ZNF26: variants seen among roughly 807,000 people sequenced by gnomAD.
ZNF26 encodes the protein epididymis luminal protein 179.
A neutral mutation model predicts 54.9 loss-of-function variants in ZNF26; 32 were observed. The observed-to-expected ratio is 0.58, with a 90% CI of 0.44 to 0.78. ZNF26 has a LOEUF of 0.78. Among genes scored for constraint, ZNF26 ranks in the 30% least tolerant of loss-of-function variants. The pLI is 0.00. For missense variants in ZNF26, 524 were observed against 634.0 expected, an observed-to-expected ratio of 0.83 and a Z score of 1.86; for synonymous variants, 221 against 209.2, an observed-to-expected ratio of 1.06 and a Z score of -0.49.
rs1953488451 is a variant in ZNF26 at position 133,012,075 on chromosome 12, T to C, written c.*594T>C. The C allele has an allele frequency of 6.6e-6, 1 of 152,232 alleles. No homozygotes were observed. Among genetic ancestry groups the C allele is most frequent in the Non-Finnish European group, 1.5e-5 (1 of 68,042 alleles). The allele number at this position is 152,232 out of a possible 1,614,324, so 9.4% of individuals were successfully genotyped here. A position where few individuals can be genotyped will look rare whatever the true frequency, so the allele number is the denominator to read the frequency against. On this transcript the variant is annotated 3_prime_UTR_variant, in exon 4 of 4. Transcript: ENST00000328654. Reference sequence around the variant, plus strand: ...ATATATTTGATAGTTTGTGGAATAATATCCCCCAGTATTTTCCATATTAAA... The same window carrying C: ...ATATATTTGATAGTTTGTGGAATAACATCCCCCAGTATTTTCCATATTAAA...
intron 1 of ZNF26, chr12:133,005,189 C>A (rs1289059648): frequency 1.3e-5 from 2 of 152,220 alleles, no homozygotes; most frequent in East Asian, 3.9e-4. Context: ...CCAGGAAAAT[C>A]ATTCCAGGTT....
intron 1 of ZNF26, among the ~76,000 whole-genome samples, chr12:133,002,252 G>A (rs1953234243): frequency 6.6e-6 from 1 of 152,124 alleles, no homozygotes; most frequent in African/African-American, 2.4e-5. Context: ...CTCTCAGCGT[G>A]CCATGCTGTC....
chr12:133,016,825 A>G lies in ZNF26; in HGVS notation c.*5344A>G, dbSNP rs1953574092. On this transcript the variant is annotated 3_prime_UTR_variant, in exon 4 of 4. Transcript: ENST00000328654. ...ACTCTCTTGGTATTTGTAATATGTT[A>G]TGAGATACCATCATTGGAGGTTGTA... 1 of 151,950 alleles carries G rather than the reference A, an allele frequency of 6.6e-6. No individual in the cohort carries two copies. Among genetic ancestry groups the G allele is most frequent in the Non-Finnish European group, 1.5e-5 (1 of 68,008 alleles). 9.4% of individuals were successfully genotyped at this position (151,950 alleles called of 1,614,324 possible).
chr12:133,015,166 C>T lies in ZNF26; in HGVS notation c.*3685C>T, dbSNP rs1346134029. The T allele has an allele frequency of 1.3e-5, 2 of 151,726 alleles. No individual in the cohort carries two copies. Among genetic ancestry groups the T allele is most frequent in the African/African-American group, 2.4e-5 (1 of 41,304 alleles). 9.4% of individuals were successfully genotyped at this position (151,726 alleles called of 1,614,324 possible). On this transcript the variant is annotated 3_prime_UTR_variant, in exon 4 of 4. Coordinates refer to ENST00000328654, the MANE Select transcript of ZNF26 (RefSeq NM_019591.4). ...GTCGGGAGTTCGAGTTCAGCCTGGC[C>T]AATATGGTGAAATCCCGTCTCAACT... is the stretch of plus-strand genomic sequence containing the variant.
At position 133,018,848 on chromosome 12, in the gene ZNF26, C is replaced by T. The variant is rs1191715093; in HGVS notation, c.*7367C>T. On this transcript the variant is annotated 3_prime_UTR_variant, in exon 4 of 4. Coordinates refer to ENST00000328654, the MANE Select transcript of ZNF26 (RefSeq NM_019591.4). ...GCTCAAGCAATCCTCCCATTCTGGT[C>T]TCTCGAAGCATCAAGATTATAGGCA... 1 of 152,014 alleles carries T rather than the reference C, an allele frequency of 6.6e-6. No homozygotes were observed. Among genetic ancestry groups the T allele is most frequent in the East Asian group, 1.9e-4 (1 of 5,200 alleles). 9.4% of individuals were successfully genotyped at this position (152,014 alleles called of 1,614,324 possible). A position where few individuals can be genotyped will look rare whatever the true frequency, so the allele number is the denominator to read the frequency against.
At chr12:132,989,467 G>A (rs973127268) in intron 1 of ZNF26, among the ~76,000 whole-genome samples, 4 of 152,092 alleles carry the variant, frequency 2.6e-5, no homozygotes, top group Non-Finnish European at 5.9e-5. Context: ...AATTGTTTTG[G>A]ATTTTGGATT....
intron 1 of ZNF26, among the ~76,000 whole-genome samples, chr12:133,003,101 C>A (rs1953253738): frequency 6.6e-6 from 1 of 152,070 alleles, no homozygotes; most frequent in Non-Finnish European, 1.5e-5. Flanking sequence ...GTTCCCAAAG[C>A]TTTTGGGGCT....
chr12:133,020,431 A>G lies in ZNF26; in HGVS notation c.*8950A>G, dbSNP rs1953624983. The G allele has an allele frequency of 6.6e-6, 1 of 151,918 alleles. No homozygotes were observed. The highest frequency in any genetic ancestry group is 1.5e-5 in the Non-Finnish European group (1 of 67,994). 9.4% of individuals were successfully genotyped at this position (151,918 alleles called of 1,614,324 possible). On this transcript the variant is annotated 3_prime_UTR_variant, in exon 4 of 4. Transcript: ENST00000328654. ...GCTGAACTGTACACTTAAAAATGGTAATGATGATAATATTTATAATATATT... is the reference window on the plus strand; with the variant it reads ...GCTGAACTGTACACTTAAAAATGGTGATGATGATAATATTTATAATATATT...
intron 1 of ZNF26, among the ~76,000 whole-genome samples, chr12:133,002,403 GTATCTCCTCT>G (rs1953237760): frequency 6.6e-6 from 1 of 151,998 alleles, no homozygotes; most frequent in Non-Finnish European, 1.5e-5. Context: ...GGTCTCCCCG[GTATCTCCTCT>G]TACACAACCC....
At chr12:133,004,844 C>CT (rs1953289975) in intron 1 of ZNF26, 2 of 152,124 alleles carry the variant, frequency 1.3e-5, no homozygotes, top group East Asian at 1.9e-4. Context: ...CTTATTTTTG[C>CT]TTTTTAGTTT....
Position 133,012,591 on chromosome 12 carries a change from T to TG in ZNF26, c.*1110_*1111insG, listed in dbSNP as rs1953504156. The TG allele has an allele frequency of 8.0e-6, 1 of 125,594 alleles. No homozygotes were observed. The highest frequency in any genetic ancestry group is 3.0e-5 in the African/African-American group (1 of 33,342). 7.8% of individuals were successfully genotyped at this position (125,594 alleles called of 1,614,324 possible). A position where few individuals can be genotyped will look rare whatever the true frequency, so the allele number is the denominator to read the frequency against. ...TTTGTTGTTTGGGTTTTTTTTTTTT[T>TG]TTTTTTTTTTTTTTTTTTGAGACTA... is the stretch of plus-strand genomic sequence containing the variant. On this transcript the variant is annotated 3_prime_UTR_variant, in exon 4 of 4. Transcript: ENST00000328654.
rs1953685018 is a variant in ZNF26 at position 133,025,044 on chromosome 12, CAG to C, written c.*13568_*13569del. ...ATTTTATGAAAAACCATGGATGACTCAGAGAGCAGAACTAAGATCCAGAGGGT... is the reference window on the plus strand; with the variant it reads ...ATTTTATGAAAAACCATGGATGACTCAGAGCAGAACTAAGATCCAGAGGGT... On this transcript the variant is annotated 3_prime_UTR_variant, in exon 4 of 4. Transcript: ENST00000328654. 6.6e-6 allele frequency: 1 copy of C among 152,136 alleles called. No individual in the cohort carries two copies. Among genetic ancestry groups the C allele is most frequent in the Admixed American group, 6.5e-5 (1 of 15,280 alleles). 9.4% of individuals were successfully genotyped at this position (152,136 alleles called of 1,614,324 possible).
intron 1 of ZNF26, among the ~76,000 whole-genome samples, chr12:133,003,878 G>A (rs937304668): frequency 2.6e-5 from 4 of 152,050 alleles, no homozygotes; most frequent in East Asian, 3.9e-4. Context: ...TAGTGAGACC[G>A]TCATGCTACT....
chr12:133,009,491 C>T (rs1405274272), intron 3 of ZNF26, among the ~76,000 whole-genome samples: 2 of 151,990 alleles, frequency 1.3e-5, no homozygotes, highest in Admixed American at 1.3e-4. Context: ...ACTCAGGAAT[C>T]TGACATGGGA....
Position 132,986,785 on chromosome 12 carries a change from TC to T in ZNF26, c.-55del, listed in dbSNP as rs141914466. Reference sequence around the variant, plus strand: ...TCGGGCGGACGCATCCCTCACGGTCTCTCCGCAGCCCGCGGGTCCTGCCCCC... The same window carrying T: ...TCGGGCGGACGCATCCCTCACGGTCTTCCGCAGCCCGCGGGTCCTGCCCCC... On this transcript the variant is annotated 5_prime_UTR_variant, in exon 1 of 4. Coordinates refer to ENST00000328654, the MANE Select transcript of ZNF26 (RefSeq NM_019591.4). 19,902 of 1,561,542 alleles carry T rather than the reference TC, an allele frequency of 0.013. 160 individuals carry two copies. The highest frequency in any genetic ancestry group is 0.015 in the Non-Finnish European group (17,550 of 1,151,682).
In ZNF26 at chr12:133,023,755, A is replaced by G. The variant is rs1183980140; in HGVS notation, c.*12274A>G. 1 of 152,206 alleles carries G rather than the reference A, an allele frequency of 6.6e-6. No homozygotes were observed. The highest frequency in any genetic ancestry group is 1.5e-5 in the Non-Finnish European group (1 of 68,056). The allele number at this position is 152,206 out of a possible 1,614,324, so 9.4% of individuals were successfully genotyped here. A position where few individuals can be genotyped will look rare whatever the true frequency, so the allele number is the denominator to read the frequency against. ...GTTGGCTTGTGAGTCACTTGTAGCC[A>G]AAAGAATGTGGAGGAAGTGATCATG... On this transcript the variant is annotated 3_prime_UTR_variant, in exon 4 of 4. Coordinates refer to ENST00000328654, the MANE Select transcript of ZNF26 (RefSeq NM_019591.4).
At chr12:133,009,376 T>C (rs1953417882) in intron 3 of ZNF26, among the ~76,000 whole-genome samples, 1 of 152,114 alleles carries the variant, frequency 6.6e-6, no homozygotes, top group African/African-American at 2.4e-5. Flanking sequence ...GCGGATCGCT[T>C]GAGCTCAGGA....
chr12:132,986,560 G>T lies in ZNF26; in HGVS notation c.-281G>T. 1.8e-6 allele frequency: 1 copy of T among 550,474 alleles called. No homozygotes were observed. 34.1% of individuals were successfully genotyped at this position (550,474 alleles called of 1,614,324 possible). A position where few individuals can be genotyped will look rare whatever the true frequency, so the allele number is the denominator to read the frequency against. On this transcript the variant is annotated 5_prime_UTR_variant, in exon 1 of 4. Transcript: ENST00000328654. ...CTTCCGTCGGTCCGGGGCGTGGACG[G>T]GGCCAGATCAGCCTCCTGCTCTCCC... is the stretch of plus-strand genomic sequence containing the variant.
In ZNF26 at chr12:133,012,578, G is replaced by GTTTTTTTTTTTTTTTTTTTTTTT. The variant is rs1193864973; in HGVS notation, c.*1106_*1128dup. Reference sequence around the variant, plus strand: ...ATGTCTTTTGCTTTTTGTTGTTTGGGTTTTTTTTTTTTTTTTTTTTTTTTT... The same window carrying GTTTTTTTTTTTTTTTTTTTTTTT: ...ATGTCTTTTGCTTTTTGTTGTTTGGGTTTTTTTTTTTTTTTTTTTTTTTTTTTTTTTTTTTTTTTTTTTTTTTT... On this transcript the variant is annotated 3_prime_UTR_variant, in exon 4 of 4. Transcript: ENST00000328654. 1.1e-4 allele frequency: 4 copies of GTTTTTTTTTTTTTTTTTTTTTTT among 37,668 alleles called. 1 individual carries two copies. The highest frequency in any genetic ancestry group is 1.5e-4 in the Non-Finnish European group (3 of 20,648). 2.3% of individuals were successfully genotyped at this position (37,668 alleles called of 1,614,324 possible).
Sources: allele counts gnomAD v4.1 joint callset (sites outside exome capture counted in the v4.1 genomes callset), GRCh38; gene constraint gnomAD v4.1.1; transcripts MANE v1.5; gene names NCBI Gene and HGNC (gene_info 2026-07-23, HGNC 2026-07-21).